The following RPS6KA2 variants were observed in gnomAD, a reference collection of about 807,000 sequenced individuals.
The protein encoded by RPS6KA2 is ribosomal protein S6 kinase alpha-2.
A neutral mutation model predicts 91.8 loss-of-function variants in RPS6KA2; 42 were observed. The ratio of observed to expected loss-of-function variants is 0.46; its 90% CI spans 0.36 to 0.59. RPS6KA2 has a LOEUF of 0.59. RPS6KA2 is among the 20% of genes least tolerant of loss of function. RPS6KA2 has a pLI of 0.00. For missense variants in RPS6KA2, 798 were observed against 978.5 expected (o/e 0.82, Z 2.46); for synonymous variants, 414 against 393.6 (o/e 1.05, Z -0.61).
Position 166,412,042 on chromosome 6 carries a change from G to A in RPS6KA2, c.*720C>T, listed in dbSNP as rs1778322113. Reference sequence around the variant, plus strand: ...ACTGGAGGTGGACACAGGCTCCTCCGAGAGGCACCCCCTTCCATCCTGGTG... The same window carrying A: ...ACTGGAGGTGGACACAGGCTCCTCCAAGAGGCACCCCCTTCCATCCTGGTG... On this transcript the variant is annotated 3_prime_UTR_variant, in exon 21 of 21. Coordinates refer to ENST00000265678, the MANE Select transcript of RPS6KA2 (RefSeq NM_021135.6). The surrounding 1 kb of genome is among the most constrained non-coding windows in gnomAD (Gnocchi z 4.3). The A allele has an allele frequency of 6.6e-6, 1 of 152,464 alleles. No individual in the cohort carries two copies. The highest frequency in any genetic ancestry group is 1.5e-5 in the Non-Finnish European group (1 of 68,168). 9.4% of individuals were successfully genotyped at this position (152,464 alleles called of 1,614,324 possible).
intron 2 of RPS6KA2, among the ~76,000 whole-genome samples, chr6:166,854,694 A>C (rs1780840618): frequency 6.6e-6 from 1 of 152,200 alleles, no homozygotes; most frequent in African/African-American, 2.4e-5. Flanking sequence ...TCAAAATAAC[A>C]ACAGATGTTG....
At chr6:166,728,477 C>G (rs1790415043) in intron 2 of RPS6KA2, among the ~76,000 whole-genome samples, 1 of 152,162 alleles carries the variant, frequency 6.6e-6, no homozygotes, top group Non-Finnish European at 1.5e-5. Flanking sequence ...CTTCTCTCTT[C>G]CAGTTTGGGC....
At chr6:166,828,868 CAATT>C (rs1780110787) in intron 2 of RPS6KA2, among the ~76,000 whole-genome samples, 1 of 152,078 alleles carries the variant, frequency 6.6e-6, no homozygotes, top group Admixed American at 6.5e-5. Context: ...TCAAAAGACA[CAATT>C]AACAAGATGA....
chr6:166,747,923 C>A (rs554928700), intron 2 of RPS6KA2, among the ~76,000 whole-genome samples: 2 of 152,164 alleles, frequency 1.3e-5, no homozygotes, highest in Admixed American at 1.3e-4. Context: ...CGGCTGTGTA[C>A]GGACACAGAG....
chr6:166,578,740 G>C (rs918283676), intron 1 of RPS6KA2, among the ~76,000 whole-genome samples: 4 of 152,194 alleles, frequency 2.6e-5, no homozygotes, highest in African/African-American at 9.7e-5. Flanking sequence ...CAGGATCACT[G>C]TGCTGGAGCA....
At chr6:166,589,691 G>A (rs1343834861) in intron 1 of RPS6KA2, among the ~76,000 whole-genome samples, 4 of 152,184 alleles carry the variant, frequency 2.6e-5, no homozygotes, top group Admixed American at 6.5e-5. Flanking sequence ...AGAAATGGGC[G>A]CACATCACCT....
At position 166,627,010 on chromosome 6, in the gene RPS6KA2, T is replaced by C; in HGVS notation, c.10A>G (p.Ser4Gly). Residue 4 changes from serine to glycine, a missense_variant, in exon 1 of 21, where the codon AGC (serine) becomes GGC (glycine). Coordinates refer to ENST00000265678, the MANE Select transcript of RPS6KA2 (RefSeq NM_021135.6). Reference protein sequence around the residue: MDLSMKKFAVRRFF... With the variant: MDLGMKKFAVRRFF... Reference sequence around the variant, plus strand: ...CTGCGCACGGCGAACTTCTTCATGCTCAGGTCCATCGCCCCGCGCCCAGCC... The same window carrying C: ...CTGCGCACGGCGAACTTCTTCATGCCCAGGTCCATCGCCCCGCGCCCAGCC... The C allele has an allele frequency of 6.6e-7, 1 of 1,522,266 alleles. No homozygotes were observed. The allele number at this position is 1,522,266 out of a possible 1,614,324, so 94.3% of individuals were successfully genotyped here. A position where few individuals can be genotyped will look rare whatever the true frequency, so the allele number is the denominator to read the frequency against.
chr6:166,724,541 T>TTGC (rs1006074781), intron 2 of RPS6KA2, among the ~76,000 whole-genome samples: 2 of 152,228 alleles, frequency 1.3e-5, no homozygotes, highest in African/African-American at 4.8e-5. Context: ...TGGGTCATTT[T>TTGC]TGCTTCTTCC....
At chr6:166,532,567 C>T (rs904739990) in intron 2 of RPS6KA2, among the ~76,000 whole-genome samples, 12 of 152,188 alleles carry the variant, frequency 7.9e-5, no homozygotes, top group Non-Finnish European at 1.8e-4. Flanking sequence ...CCATCTGTCC[C>T]GATCACTGTC....
chr6:166,546,066 G>A (rs1205725011), intron 1 of RPS6KA2, among the ~76,000 whole-genome samples: 1 of 152,196 alleles, frequency 6.6e-6, no homozygotes, highest in Non-Finnish European at 1.5e-5. Context: ...GTCTGACACG[G>A]TGTTTTAGGT....
At chr6:166,743,506 C>G (rs1790878305) in intron 2 of RPS6KA2, among the ~76,000 whole-genome samples, 1 of 152,230 alleles carries the variant, frequency 6.6e-6, no homozygotes, top group Non-Finnish European at 1.5e-5. Context: ...GCCACACACA[C>G]TTACACATCA....
chr6:166,518,762 T>C (rs972032637), intron 3 of RPS6KA2, among the ~76,000 whole-genome samples: 7 of 152,350 alleles, frequency 4.6e-5, no homozygotes, highest in East Asian at 1.9e-4. Context: ...CTAGTTTCCA[T>C]ATATGAATGC....
chr6:166,496,077 G>A (rs1388476393), intron 8 of RPS6KA2, among the ~76,000 whole-genome samples: 2 of 152,204 alleles, frequency 1.3e-5, no homozygotes, highest in South Asian at 4.1e-4. Flanking sequence ...AGAACTGGGC[G>A]TGGTGGCTCA....
rs998722968 is a variant in RPS6KA2 at position 166,410,536 on chromosome 6, G to A, written c.*2226C>T. On this transcript the variant is annotated 3_prime_UTR_variant, in exon 21 of 21. Coordinates refer to ENST00000265678, the MANE Select transcript of RPS6KA2 (RefSeq NM_021135.6). ...GGCCAAGCCAGTGTTCTCCTCCGCT[G>A]ATGCACATCAAATACATGTAAGGAC... 2.0e-5 allele frequency: 3 copies of A among 152,436 alleles called. No homozygotes were observed. The highest frequency in any genetic ancestry group is 7.2e-5 in the African/African-American group (3 of 41,414). The allele number at this position is 152,436 out of a possible 1,614,324, so 9.4% of individuals were successfully genotyped here.
At chr6:166,619,693 C>T (rs1786553784) in intron 1 of RPS6KA2, among the ~76,000 whole-genome samples, 1 of 152,278 alleles carries the variant, frequency 6.6e-6, no homozygotes, top group Non-Finnish European at 1.5e-5. Flanking sequence ...ATCTTCTCTG[C>T]TCCTCTTGTG....
Position 166,636,908 on chromosome 6 carries a change from T to A in RPS6KA2, c.124-98124A>T, listed in dbSNP as rs182365133. On this transcript the variant is annotated intron_variant, in intron 2 of 21. Coordinates refer to the RPS6KA2 transcript ENST00000503859. ...GGACAAATAGCTATAGGCCAATTTT[T>A]AAAAAAAAGTGCTGAGAGGCTGTTC... 1.4e-3 allele frequency among the ~76,000 whole-genome samples: 220 copies of A among 152,138 alleles called. 1 individual carries two copies. Among genetic ancestry groups the A allele is most frequent in the African/African-American group, 4.7e-3 (194 of 41,520 alleles).
At chr6:166,862,752 A>AC (rs1781084673), upstream of RPS6KA2, 2 of 99,936 alleles carry the variant, frequency 2.0e-5, no homozygotes, top group Non-Finnish European at 3.9e-5. Context: ...GCACGCGCAC[A>AC]CCCTTCCCCA....
rs1780782468 is a variant in RPS6KA2 at position 166,852,896 on chromosome 6, G to A, written c.123+5304C>T. Among the ~76,000 whole-genome samples the A allele has an allele frequency of 6.6e-6, 1 of 152,126 alleles. No homozygotes were observed. Among genetic ancestry groups the A allele is most frequent in the South Asian group, 2.1e-4 (1 of 4,808 alleles). On this transcript the variant is annotated intron_variant, in intron 2 of 21. Transcript: ENST00000503859. This position sits in a 1 kb window ranked among gnomAD's most constrained non-coding sequence, Gnocchi z 4.1. ...TGTGATCCCCGTGTGGCTGTGTCCT[G>A]CCAACTGATGGTGACAGCAGGAAAT...
chr6:166,805,416 G>A (rs576832533), intron 2 of RPS6KA2, among the ~76,000 whole-genome samples: 3 of 152,208 alleles, frequency 2.0e-5, no homozygotes, highest in South Asian at 4.2e-4. Context: ...TTAAAGAATC[G>A]GCACATTTTT....
Sources: gnomAD v4.1 joint callset for allele counts (sites outside exome capture counted in the v4.1 genomes callset) on GRCh38, gnomAD v4.1.1 for gene constraint, Gnocchi (gnomAD v3.1) non-coding constraint, MANE v1.5 for transcripts, NCBI Gene and HGNC (gene_info 2026-07-23, HGNC 2026-07-21) for gene names.